Variants in IL15 observed in about 807,000 individuals in gnomAD.
IL15 encodes interleukin 15.
Under a neutral mutation model 19.6 loss-of-function variants are expected in IL15, and 11 were observed. The observed-to-expected ratio is 0.56, with a 90% confidence interval of 0.35 to 0.93. The LOEUF is 0.93. Among genes scored for constraint, IL15 ranks in the 40% least tolerant of loss-of-function variants. The probability of loss-of-function intolerance (pLI) is 0.01; values close to 1 mark genes in which losing one functional copy is unlikely to be tolerated. For synonymous variants in IL15, 58 were observed against 59.6 expected, an observed-to-expected ratio of 0.97 and a Z score of 0.12; for missense variants, 197 against 186.5, an observed-to-expected ratio of 1.06 and a Z score of -0.33.
At chr4:141,687,720 A>T (rs978780753) in intron 2 of IL15, among the ~76,000 whole-genome samples, 27 of 152,150 alleles carry the variant, frequency 1.8e-4, no homozygotes, top group Non-Finnish European at 3.7e-4. Flanking sequence ...TTTTATTTTT[A>T]AAAAATTTTT....
intron 2 of IL15, among the ~76,000 whole-genome samples, chr4:141,685,190 G>A (rs1178611391): frequency 1.3e-5 from 2 of 152,126 alleles, no homozygotes; most frequent in Admixed American, 6.5e-5. Flanking sequence ...TCTATTTGAG[G>A]TCCTAGGACC....
In IL15 at chr4:141,647,224, C is replaced by T. The variant is rs552205670; in HGVS notation, c.-221-8962C>T. On this transcript the variant is annotated intron_variant, in intron 1 of 7. Coordinates refer to ENST00000320650, the MANE Select transcript of IL15 (RefSeq NM_000585.5). ...AGCACAGCGAAGAGTCAGAGAATGCCGAAGATTTTAACCATGAGAGTCAGG... is the reference window on the plus strand; with the variant it reads ...AGCACAGCGAAGAGTCAGAGAATGCTGAAGATTTTAACCATGAGAGTCAGG... 9.2e-5 allele frequency among the ~76,000 whole-genome samples: 14 copies of T among 151,940 alleles called. No individual in the cohort carries two copies. The South Asian group carries it at 2.3e-3, about 25-fold the overall frequency.
intron 2 of IL15, among the ~76,000 whole-genome samples, chr4:141,696,584 A>C (rs1168044810): frequency 6.6e-6 from 1 of 151,938 alleles, no homozygotes; most frequent in Non-Finnish European, 1.5e-5. Flanking sequence ...CCATTTTTTC[A>C]GTGTCTTCAC....
At chr4:141,727,844 A>C in intron 5 of IL15, 96 bp from the exon 6 acceptor site, 1 of 666,470 alleles carries the variant, frequency 1.5e-6, no homozygotes, top group Non-Finnish European at 2.6e-6. Context: ...AAATAAAAAA[A>C]GAATTAAAAA....
chr4:141,661,080 G>A (rs1388860250), intron 2 of IL15, among the ~76,000 whole-genome samples: 2 of 152,140 alleles, frequency 1.3e-5, no homozygotes, highest in African/African-American at 4.8e-5. Context: ...GAATGGCATT[G>A]AAGGGAATCC....
chr4:141,710,807 A>C (rs1729692884), intron 2 of IL15, among the ~76,000 whole-genome samples: 1 of 151,542 alleles, frequency 6.6e-6, no homozygotes, highest in Non-Finnish European at 1.5e-5. Flanking sequence ...TTTCATAGTT[A>C]AATTTTCTCT....
At chr4:141,723,059 A>T (rs1189325122) in intron 5 of IL15, among the ~76,000 whole-genome samples, 1 of 152,154 alleles carries the variant, frequency 6.6e-6, no homozygotes, top group African/African-American at 2.4e-5. Flanking sequence ...ATGAGAATAC[A>T]CCAAGTAAAA....
chr4:141,724,364 AAG>A (rs1165207439), intron 5 of IL15, among the ~76,000 whole-genome samples: 8 of 152,096 alleles, frequency 5.3e-5, no homozygotes, highest in Non-Finnish European at 1.2e-4. Context: ...ATTAGAAAAA[AAG>A]GAGAATTATC....
chr4:141,697,844 A>G (rs938911670), intron 2 of IL15, among the ~76,000 whole-genome samples: 2 of 151,402 alleles, frequency 1.3e-5, no homozygotes, highest in Non-Finnish European at 2.9e-5. Context: ...CTCTTGTCTG[A>G]TTGCTCTGGT....
chr4:141,701,397 T>C (rs761493236), intron 2 of IL15, among the ~76,000 whole-genome samples: 1 of 152,166 alleles, frequency 6.6e-6, no homozygotes, highest in African/African-American at 2.4e-5. Context: ...ATGAGTTCCT[T>C]AGTTATAGAG....
At chr4:141,721,144 C>T in intron 4 of IL15, 10 of 1,454,478 alleles carry the variant, frequency 6.9e-6, no homozygotes, top group Non-Finnish European at 9.5e-6. Flanking sequence ...TCTACTAATG[C>T]CTTCATGGTA....
intron 5 of IL15, among the ~76,000 whole-genome samples, chr4:141,724,626 C>T (rs989810416): frequency 1.4e-4 from 21 of 152,180 alleles, no homozygotes; most frequent in African/African-American, 5.1e-4. Context: ...GCTGTCACTA[C>T]AGAATCTGCA....
At chr4:141,639,935 A>G (rs930655623) in intron 1 of IL15, among the ~76,000 whole-genome samples, 1 of 152,190 alleles carries the variant, frequency 6.6e-6, no homozygotes, top group Non-Finnish European at 1.5e-5. Context: ...CACTAATTAA[A>G]TACTATCAAC....
At chr4:141,702,083 C>T (rs1476205731) in intron 2 of IL15, among the ~76,000 whole-genome samples, 1 of 152,196 alleles carries the variant, frequency 6.6e-6, no homozygotes, top group Non-Finnish European at 1.5e-5. Flanking sequence ...TTCTCCAAGA[C>T]CCTTCATGAT....
chr4:141,685,872 C>G lies in IL15; in HGVS notation c.-100+29565C>G, dbSNP rs1579018596. 7.2e-5 allele frequency among the ~76,000 whole-genome samples: 11 copies of G among 152,146 alleles called. No homozygotes were observed. In the South Asian group the frequency reaches 2.3e-3, roughly 32 times the overall value. On this transcript the variant is annotated intron_variant, in intron 2 of 7. Transcript: ENST00000320650. ...ATTTCTTCATAACATTTAAAAATAT[C>G]TTTGTATTTTGTTATTCTTACTGTT... is the stretch of plus-strand genomic sequence containing the variant.
intron 2 of IL15, among the ~76,000 whole-genome samples, chr4:141,664,147 G>T (rs1203492604): frequency 6.6e-6 from 1 of 152,116 alleles, no homozygotes; most frequent in African/African-American, 2.4e-5. Flanking sequence ...CAACAAAGCA[G>T]ATACAAGAGA....
At chr4:141,724,629 A>C (rs1730199049) in intron 5 of IL15, among the ~76,000 whole-genome samples, 2 of 152,142 alleles carry the variant, frequency 1.3e-5, no homozygotes, top group Admixed American at 6.5e-5. Flanking sequence ...GTCACTACAG[A>C]ATCTGCAGTC....
At chr4:141,685,878 A>G (rs1199094928) in intron 2 of IL15, among the ~76,000 whole-genome samples, 1 of 152,074 alleles carries the variant, frequency 6.6e-6, no homozygotes, top group Admixed American at 6.5e-5. Flanking sequence ...ATATCTTTGT[A>G]TTTTGTTATT....
intron 2 of IL15, 34 bp from the exon 3 acceptor site, chr4:141,719,332 A>T (rs1440009265): frequency 1.7e-6 from 1 of 574,774 alleles, no homozygotes; most frequent in Non-Finnish European, 3.2e-6. Flanking sequence ...TTACTAGTGC[A>T]CTTGTGTTTT....
Sources: allele counts gnomAD v4.1 joint callset (sites outside exome capture counted in the v4.1 genomes callset), GRCh38; gene constraint gnomAD v4.1.1; transcripts MANE v1.5; gene names NCBI Gene and HGNC (gene_info 2026-07-23, HGNC 2026-07-21).